SNRPD1: variants seen among roughly 807,000 people sequenced by gnomAD.
SNRPD1 encodes small nuclear ribonucleoprotein Sm D1.
In SNRPD1, 1 loss-of-function variant was observed where a neutral mutation model predicts 14.4. The ratio of observed to expected loss-of-function variants is 0.07; its 90% CI spans 0.02 to 0.33. SNRPD1 has a LOEUF of 0.33. Ranked by LOEUF, SNRPD1 falls within the 10% of genes least tolerant of loss-of-function variation. The pLI is 1.00. For synonymous variants in SNRPD1, 42 were observed against 50.3 expected, an observed-to-expected ratio of 0.83 and a Z score of 0.70; for missense variants, 52 against 146.4, an observed-to-expected ratio of 0.36 and a Z score of 3.33.
At chr18:21,616,274 T>C (rs1021998177) in intron 1 of SNRPD1, among the ~76,000 whole-genome samples, 18 of 145,410 alleles carry the variant, frequency 1.2e-4, no homozygotes, top group Non-Finnish European at 2.4e-4. Context: ...CGTGAGCCAC[T>C]GCGCCCAGCC....
In SNRPD1 at chr18:21,629,557, T is replaced by C. The variant is rs2039064975; in HGVS notation, c.*419T>C. On this transcript the variant is annotated 3_prime_UTR_variant, in exon 4 of 4. Coordinates refer to ENST00000300413, the MANE Select transcript of SNRPD1 (RefSeq NM_006938.4). ...CAGAAGGAAAGTGATGTATGGAAAA[T>C]GGAAGTGAGATACAGCAACAGCCGG... 1 of 161,018 alleles carries C rather than the reference T, an allele frequency of 6.2e-6. No homozygotes were observed. The highest frequency in any genetic ancestry group is 1.8e-4 in the East Asian group (1 of 5,696). The allele number at this position is 161,018 out of a possible 1,614,324, so 10.0% of individuals were successfully genotyped here.
intron 1 of SNRPD1, among the ~76,000 whole-genome samples, chr18:21,616,703 T>A (rs1180167586): frequency 6.6e-6 from 1 of 150,936 alleles, no homozygotes; most frequent in African/African-American, 2.4e-5. Flanking sequence ...TTTTTTTTTT[T>A]TGAGATGGAG....
chr18:21,617,126 T>G (rs929112996), intron 1 of SNRPD1, among the ~76,000 whole-genome samples: 2 of 152,154 alleles, frequency 1.3e-5, no homozygotes, highest in African/African-American at 4.8e-5. Context: ...CACTTTCCTT[T>G]GCCTGTTACA....
intron 1 of SNRPD1, among the ~76,000 whole-genome samples, chr18:21,616,368 A>G (rs2038957767): frequency 6.6e-6 from 1 of 151,700 alleles, no homozygotes; most frequent in Admixed American, 6.6e-5. Context: ...TTACATGTTC[A>G]TTTCCTTAAT....
intron 1 of SNRPD1, among the ~76,000 whole-genome samples, chr18:21,617,372 T>C (rs1413797079): frequency 6.6e-6 from 1 of 152,100 alleles, no homozygotes; most frequent in Non-Finnish European, 1.5e-5. Flanking sequence ...CATGTAAATG[T>C]GGGACCAGAA....
chr18:21,626,504 G>C (rs989468287), intron 3 of SNRPD1, among the ~76,000 whole-genome samples: 8 of 150,656 alleles, frequency 5.3e-5, no homozygotes, highest in African/African-American at 1.9e-4. Context: ...AAAATTATTG[G>C]TTTGGGCCAG....
At chr18:21,618,160 C>T (rs772914126) in intron 1 of SNRPD1, among the ~76,000 whole-genome samples, 4 of 151,654 alleles carry the variant, frequency 2.6e-5, no homozygotes, top group Non-Finnish European at 4.4e-5. Context: ...CAGTGGCTCA[C>T]GCTTGTAATC....
chr18:21,620,320 C>T (rs999571839), intron 1 of SNRPD1, among the ~76,000 whole-genome samples: 3 of 151,938 alleles, frequency 2.0e-5, no homozygotes, highest in African/African-American at 7.3e-5. Context: ...AGGCAGGTCT[C>T]GAACTCCTGG....
At chr18:21,616,203 T>C (rs1353105041) in intron 1 of SNRPD1, among the ~76,000 whole-genome samples, 1 of 151,890 alleles carries the variant, frequency 6.6e-6, no homozygotes, top group Non-Finnish European at 1.5e-5. Flanking sequence ...GCCAGGATGT[T>C]CTCAATCTCC....
Position 21,623,899 on chromosome 18 carries a change from G to T in SNRPD1, c.243G>T (p.Val81=). The T allele has an allele frequency of 1.2e-6, 2 of 1,606,472 alleles. No homozygotes were observed. Among genetic ancestry groups the T allele is most frequent in the Non-Finnish European group, 1.7e-6 (2 of 1,178,002 alleles). Residue 81 remains valine (V), a synonymous_variant, in exon 3 of 4, where the codon GTG becomes GTT. Coordinates refer to ENST00000300413, the MANE Select transcript of SNRPD1 (RefSeq NM_006938.4). The part of the protein sequence containing the change: ...PDSLPLDTLL[V]DVEPKVKSKK... ...GTTTACCTCTGGATACACTACTTGT[G>T]GATGTTGAACCTAAGGTGAAATCTA... is the stretch of plus-strand genomic sequence containing the variant.
rs1456395493 is a variant in SNRPD1, at chr18:21,631,200, G to C, written c.*2062G>C. 2 of 151,858 alleles carry C rather than the reference G, an allele frequency of 1.3e-5. No individual in the cohort carries two copies. Among genetic ancestry groups the C allele is most frequent in the Admixed American group, 1.3e-4 (2 of 15,194 alleles). 9.4% of individuals were successfully genotyped at this position (151,858 alleles called of 1,614,324 possible). ...GCTGGAGTGCAGTGGTGCGATCTTG[G>C]CTCACTGCAACCTCTGCGTCCCGGG... is the stretch of plus-strand genomic sequence containing the variant. On this transcript the variant is annotated 3_prime_UTR_variant, in exon 4 of 4. Coordinates refer to ENST00000300413, the MANE Select transcript of SNRPD1 (RefSeq NM_006938.4).
At position 21,632,375 on chromosome 18, in the gene SNRPD1, C is replaced by T. The variant is rs2039090584; in HGVS notation, c.*3237C>T. On this transcript the variant is annotated 3_prime_UTR_variant, in exon 4 of 4. Transcript: ENST00000300413. ...TCAGGAGGCTTAGGCAGGAGAATCA[C>T]TTGAACCCTGGAGGCAGAGGTTGCA... 1 of 151,796 alleles carries T rather than the reference C, an allele frequency of 6.6e-6. No individual in the cohort carries two copies. Among genetic ancestry groups the T allele is most frequent in the African/African-American group, 2.4e-5 (1 of 41,310 alleles). The allele number at this position is 151,796 out of a possible 1,614,324, so 9.4% of individuals were successfully genotyped here. A position where few individuals can be genotyped will look rare whatever the true frequency, so the allele number is the denominator to read the frequency against.
intron 1 of SNRPD1, among the ~76,000 whole-genome samples, chr18:21,621,636 G>T (rs1399422494): frequency 6.6e-6 from 1 of 151,928 alleles, no homozygotes; most frequent in Admixed American, 6.6e-5. Flanking sequence ...GGAGTGCAGT[G>T]GTGCGATCTT....
At chr18:21,624,467 A>G (rs2039020963) in intron 3 of SNRPD1, among the ~76,000 whole-genome samples, 1 of 151,606 alleles carries the variant, frequency 6.6e-6, no homozygotes, top group Non-Finnish European at 1.5e-5. Flanking sequence ...CAAGGTGGGC[A>G]GATCACCTGA....
At chr18:21,621,763 G>C (rs888819349) in intron 1 of SNRPD1, among the ~76,000 whole-genome samples, 6 of 152,020 alleles carry the variant, frequency 3.9e-5, no homozygotes, top group African/African-American at 1.4e-4. Flanking sequence ...TTTTTGTAGA[G>C]ATGGAGTTTC....
In SNRPD1 at chr18:21,630,845, T is replaced by C. The variant is rs934900638; in HGVS notation, c.*1707T>C. On this transcript the variant is annotated 3_prime_UTR_variant, in exon 4 of 4. Coordinates refer to ENST00000300413, the MANE Select transcript of SNRPD1 (RefSeq NM_006938.4). Reference sequence around the variant, plus strand: ...ATATAAATATATACTAATAGATATATTAGTATACATGTAGAATGTACCTGT... The same window carrying C: ...ATATAAATATATACTAATAGATATACTAGTATACATGTAGAATGTACCTGT... The C allele has an allele frequency of 6.7e-6, 1 of 148,548 alleles. No individual in the cohort carries two copies. Among genetic ancestry groups the C allele is most frequent in the African/African-American group, 2.4e-5 (1 of 40,854 alleles). 9.2% of individuals were successfully genotyped at this position (148,548 alleles called of 1,614,324 possible). A position where few individuals can be genotyped will look rare whatever the true frequency, so the allele number is the denominator to read the frequency against.
intron 1 of SNRPD1, among the ~76,000 whole-genome samples, chr18:21,619,779 C>G (rs981297531): frequency 6.7e-6 from 1 of 148,746 alleles, no homozygotes; most frequent in Non-Finnish European, 1.5e-5. Context: ...GACTCCGTCT[C>G]AAAAAAAAAT....
intron 1 of SNRPD1, among the ~76,000 whole-genome samples, chr18:21,618,137 G>A (rs1881498523): frequency 1.3e-5 from 2 of 151,868 alleles, no homozygotes; most frequent in Non-Finnish European, 2.9e-5. Flanking sequence ...AAAAACCTGT[G>A]TGTAGCTGGG....
chr18:21,621,329 C>T (rs1424874187), intron 1 of SNRPD1, among the ~76,000 whole-genome samples: 3 of 152,068 alleles, frequency 2.0e-5, no homozygotes, highest in African/African-American at 7.2e-5. Flanking sequence ...AAGTAATGTC[C>T]GTCAACAGGC....
Sources: gnomAD v4.1 joint callset for allele counts (sites outside exome capture counted in the v4.1 genomes callset) on GRCh38, gnomAD v4.1.1 for gene constraint, MANE v1.5 for transcripts, NCBI Gene and HGNC (gene_info 2026-07-23, HGNC 2026-07-21) for gene names.